The following KAT6B variants were observed in gnomAD, a reference collection of about 807,000 sequenced individuals.
The protein encoded by KAT6B is lysine acetyltransferase 6B.
KAT6B carries 10 observed loss-of-function variants against 187.5 expected under a neutral mutation model. The ratio of observed to expected loss-of-function variants is 0.05; its 90% CI spans 0.03 to 0.09. The LOEUF (loss-of-function observed/expected upper bound fraction) is 0.09. Among genes scored for constraint, KAT6B ranks in the 10% least tolerant of loss-of-function variants. The probability of loss-of-function intolerance (pLI) is 1.00; values close to 1 mark genes in which losing one functional copy is unlikely to be tolerated. For missense variants in KAT6B, 1,952 were observed against 2,558.9 expected (o/e 0.76, Z 5.12); for synonymous variants, 861 against 926.8 (o/e 0.93, Z 1.29).
In KAT6B at chr10:74,855,979, T is replaced by C. The variant is rs368338407; in HGVS notation, c.621+12501T>C. Among the ~76,000 whole-genome samples the C allele has an allele frequency of 2.9e-4, 44 of 152,292 alleles. No homozygotes were observed. In the South Asian group the frequency reaches 6.6e-3, roughly 23 times the overall value. Reference sequence around the variant, plus strand: ...TCACCCCTAAATACTTAATAATATATCAAAAATGTTCTCTTATATACTATA... The same window carrying C: ...TCACCCCTAAATACTTAATAATATACCAAAAATGTTCTCTTATATACTATA... On this transcript the variant is annotated intron_variant, in intron 3 of 17. Transcript: ENST00000287239.
At chr10:74,996,926 T>C (rs948159633) in intron 13 of KAT6B, among the ~76,000 whole-genome samples, 3 of 152,064 alleles carry the variant, frequency 2.0e-5, no homozygotes, top group African/African-American at 7.2e-5. Context: ...GTAAAAAGTA[T>C]TAATATTTAA....
chr10:74,976,663 C>A, intron 8 of KAT6B: 1 of 393,142 alleles, frequency 2.5e-6, no homozygotes, highest in Admixed American at 3.8e-5. Flanking sequence ...CCATGCTCTC[C>A]CCCATGTCAC....
In KAT6B at chr10:74,976,468, G is replaced by C. The variant is rs540480446; in HGVS notation, c.1993+138G>C. 6 of 780,018 alleles carry C rather than the reference G, an allele frequency of 7.7e-6. No individual in the cohort carries two copies. In the East Asian group the frequency reaches 1.3e-4, roughly 17 times the overall value. The allele number at this position is 780,018 out of a possible 1,614,324, so 48.3% of individuals were successfully genotyped here. On this transcript the variant is annotated intron_variant, in intron 8 of 17. Transcript: ENST00000287239. The stretch of plus-strand genomic sequence containing the variant: ...CTTGTTCTCACTTCACTTTCATACA[G>C]AAGCAGTGAAACTTTGACCTTTTTC...
At chr10:75,013,136 C>A (rs1844730125) in intron 13 of KAT6B, among the ~76,000 whole-genome samples, 1 of 152,146 alleles carries the variant, frequency 6.6e-6, no homozygotes, top group African/African-American at 2.4e-5. Context: ...CAGAGACACA[C>A]TTGAGTCTTG....
chr10:74,976,626 G>A (rs541508613), intron 8 of KAT6B: 24 of 448,210 alleles, frequency 5.4e-5, no homozygotes, highest in Non-Finnish European at 7.0e-5. Flanking sequence ...TTGTAGTCCC[G>A]CATGAGTAGC....
At chr10:74,846,344 A>G (rs1399064271) in intron 3 of KAT6B, among the ~76,000 whole-genome samples, 1 of 152,254 alleles carries the variant, frequency 6.6e-6, no homozygotes, top group African/African-American at 2.4e-5. Context: ...AAGAAAATAC[A>G]AAAAGCCACT....
At chr10:74,939,215 T>C (rs2395125) in intron 3 of KAT6B, among the ~76,000 whole-genome samples, 48,444 of 152,002 alleles carry the variant, frequency 0.32, 13,640 homozygotes, top group African/African-American at 0.75. Context: ...GTGCTTCTAC[T>C]GCTGTTTGAG....
chr10:75,000,847 C>T (rs908382647), intron 13 of KAT6B, among the ~76,000 whole-genome samples: 1 of 152,100 alleles, frequency 6.6e-6, no homozygotes, highest in East Asian at 1.9e-4. Context: ...CCTTTGCTGG[C>T]TCTTCATATG....
chr10:74,997,586 GA>G (rs919076296), intron 13 of KAT6B, among the ~76,000 whole-genome samples: 1 of 150,624 alleles, frequency 6.6e-6, no homozygotes, highest in Non-Finnish European at 1.5e-5. Flanking sequence ...ATTCAAATAT[GA>G]AAAAAAAATT....
At chr10:74,863,777 T>C (rs1204714888) in intron 3 of KAT6B, among the ~76,000 whole-genome samples, 1 of 152,234 alleles carries the variant, frequency 6.6e-6, no homozygotes, top group East Asian at 1.9e-4. Context: ...TCCTATGCCC[T>C]GCAGATAAGC....
chr10:74,828,026 A>T lies in KAT6B; in HGVS notation c.-329+1241A>T, dbSNP rs967663142. ...GGAGTGTCCGGCAGCAGGGTATCCC[A>T]GGAAGAGACATGCACCATACCTTGG... On this transcript the variant is annotated intron_variant, in intron 1 of 17. Transcript: ENST00000287239. Among the ~76,000 whole-genome samples the T allele has an allele frequency of 1.3e-5, 2 of 152,266 alleles. 1 individual carries two copies. The highest frequency in any genetic ancestry group is 4.1e-4 in the South Asian group (2 of 4,828).
intron 4 of KAT6B, among the ~76,000 whole-genome samples, chr10:74,966,854 C>T (rs888197969): frequency 1.3e-5 from 2 of 151,872 alleles, no homozygotes; most frequent in African/African-American, 4.8e-5. Context: ...GGCAAAACCC[C>T]ATCTCTACCA....
At chr10:74,942,048 G>T (rs1285366610) in intron 3 of KAT6B, among the ~76,000 whole-genome samples, 1 of 152,186 alleles carries the variant, frequency 6.6e-6, no homozygotes, top group African/African-American at 2.4e-5. Context: ...TACTCAGGAG[G>T]CTGAGGCAAG....
chr10:74,927,493 G>C (rs1186354261), intron 3 of KAT6B, among the ~76,000 whole-genome samples: 1 of 150,906 alleles, frequency 6.6e-6, no homozygotes, highest in Admixed American at 6.6e-5. Context: ...GGCTTGTTGG[G>C]GAAATTGAAA....
chr10:74,990,905 C>T (rs1843091064), intron 13 of KAT6B, among the ~76,000 whole-genome samples: 1 of 152,180 alleles, frequency 6.6e-6, no homozygotes, highest in Non-Finnish European at 1.5e-5. Context: ...TAGGCTTTTT[C>T]ATCTACTAAT....
chr10:75,018,662 A>AT lies in KAT6B; in HGVS notation c.2630-1919dup, dbSNP rs1219145926. Among the ~76,000 whole-genome samples, 5 of 152,192 alleles carry AT rather than the reference A, an allele frequency of 3.3e-5. No individual in the cohort carries two copies. In the South Asian group the frequency reaches 6.2e-4, roughly 19 times the overall value. ...CCCATCATAGTGGGGGACATAAGGTATGGGGGGGCACATACCACCTTGGTA... is the reference window on the plus strand; with the variant it reads ...CCCATCATAGTGGGGGACATAAGGTATTGGGGGGGCACATACCACCTTGGTA... On this transcript the variant is annotated intron_variant, in intron 13 of 17. Transcript: ENST00000287239.
chr10:74,884,968 T>TAACC (rs1486867126), intron 3 of KAT6B, among the ~76,000 whole-genome samples: 6 of 152,180 alleles, frequency 3.9e-5, no homozygotes, highest in Non-Finnish European at 8.8e-5. Context: ...TATGGTCTGG[T>TAACC]AACCACCAGC....
chr10:74,836,243 C>G (rs1841300026), intron 1 of KAT6B, among the ~76,000 whole-genome samples: 1 of 152,136 alleles, frequency 6.6e-6, no homozygotes, highest in Non-Finnish European at 1.5e-5. Context: ...CTGTTTACAC[C>G]TTTTGGCTAC....
At chr10:74,976,814 G>C (rs1842194488) in intron 8 of KAT6B, 1 of 280,796 alleles carries the variant, frequency 3.6e-6, no homozygotes, top group East Asian at 9.7e-5. Context: ...CTGTGACTCT[G>C]TGATGTGTGC....
Sources: gnomAD v4.1 joint callset for allele counts (sites outside exome capture counted in the v4.1 genomes callset) on GRCh38, gnomAD v4.1.1 for gene constraint, MANE v1.5 for transcripts, NCBI Gene and HGNC (gene_info 2026-07-23, HGNC 2026-07-21) for gene names.